Variants in SDK1 observed in about 807,000 individuals in gnomAD.
The protein encoded by SDK1 is protein sidekick-1.
SDK1 carries 157 observed loss-of-function variants against 245.5 expected under a neutral mutation model. That is an observed-to-expected ratio of 0.64 (90% CI 0.56 to 0.73). The LOEUF (loss-of-function observed/expected upper bound fraction) is 0.73. Among genes scored for constraint, SDK1 ranks in the 30% least tolerant of loss-of-function variants. SDK1 has a pLI of 0.00. For synonymous variants in SDK1, 1,647 were observed against 1,278.5 expected (o/e 1.29, Z -6.15); for missense variants, 3,583 against 3,002.3 (o/e 1.19, Z -4.52).
chr7:3,911,162 A>T (rs561425072), intron 5 of SDK1, among the ~76,000 whole-genome samples: 106 of 152,190 alleles, frequency 7.0e-4, no homozygotes, highest in African/African-American at 2.4e-3. Flanking sequence ...TTACAGATAA[A>T]CCTGAAGGCA....
intron 23 of SDK1, among the ~76,000 whole-genome samples, chr7:4,111,826 A>G (rs951040294): frequency 2.0e-5 from 3 of 152,220 alleles, no homozygotes; most frequent in African/African-American, 7.2e-5. Flanking sequence ...TAGTATGTAA[A>G]TTGAATTCAA....
At chr7:4,251,756 T>G in intron 44 of SDK1, among the ~76,000 whole-genome samples, 1 of 152,238 alleles carries the variant, frequency 6.6e-6, no homozygotes, top group East Asian at 1.9e-4. Context: ...CCAAGGGTAA[T>G]CTTTGAAAGC....
At chr7:3,585,609 G>A (rs1324133013) in intron 1 of SDK1, among the ~76,000 whole-genome samples, 1 of 152,128 alleles carries the variant, frequency 6.6e-6, no homozygotes, top group Non-Finnish European at 1.5e-5. Context: ...TCAGGGTCCT[G>A]GATTCCTGAG....
chr7:3,433,164 C>T (rs1468597963), intron 1 of SDK1, among the ~76,000 whole-genome samples: 1 of 152,090 alleles, frequency 6.6e-6, no homozygotes, highest in African/African-American at 2.4e-5. Context: ...TTAGCAAGTC[C>T]AAGTGAAACC....
chr7:3,492,001 G>A (rs779787056), intron 1 of SDK1, among the ~76,000 whole-genome samples: 7 of 152,092 alleles, frequency 4.6e-5, no homozygotes, highest in East Asian at 1.9e-4. Context: ...AACACATTAC[G>A]TTTTCTTCCA....
chr7:4,155,491 A>G (rs926950026), intron 30 of SDK1, among the ~76,000 whole-genome samples: 4 of 152,236 alleles, frequency 2.6e-5, no homozygotes, highest in African/African-American at 9.7e-5. Context: ...AGGAGCTTGC[A>G]GTGTGGCTCC....
intron 28 of SDK1, among the ~76,000 whole-genome samples, chr7:4,140,995 A>C (rs946936878): frequency 2.0e-5 from 3 of 152,206 alleles, no homozygotes; most frequent in African/African-American, 7.2e-5. Context: ...AGTCAGGCAG[A>C]GATTAGAATT....
At chr7:3,302,810 T>C (rs1359216093) in intron 1 of SDK1, among the ~76,000 whole-genome samples, 3 of 152,340 alleles carry the variant, frequency 2.0e-5, no homozygotes, top group Middle Eastern at 3.4e-3. Context: ...ATTAACTTAG[T>C]TGTATTCCAA....
intron 4 of SDK1, among the ~76,000 whole-genome samples, chr7:3,816,508 C>A (rs1488383911): frequency 6.6e-6 from 1 of 151,204 alleles, no homozygotes; most frequent in Non-Finnish European, 1.5e-5. Flanking sequence ...GAAATGGATA[C>A]ATTCCTTGAC....
In SDK1 at chr7:3,580,991, A is replaced by AAAACC. The variant is rs1242273854; in HGVS notation, c.299-38085_299-38081dup. Reference sequence around the variant, plus strand: ...CTCAAAAAAAAAAAAAAAAAAAAAAAAAACCAAAACAAAACCCTGGAAGAC... The same window carrying AAAACC: ...CTCAAAAAAAAAAAAAAAAAAAAAAAAAACCAAACCAAAACAAAACCCTGGAAGAC... On this transcript the variant is annotated intron_variant, in intron 1 of 44. Coordinates refer to ENST00000404826, the MANE Select transcript of SDK1 (RefSeq NM_152744.4). Among the ~76,000 whole-genome samples, 10 of 137,322 alleles carry AAAACC rather than the reference A, an allele frequency of 7.3e-5. No individual in the cohort carries two copies. In the East Asian group the frequency reaches 2.3e-3, roughly 32 times the overall value. The allele number at this position is 137,322 out of a possible 152,430, so 90.1% of individuals were successfully genotyped here.
chr7:3,537,213 A>G (rs966855971), intron 1 of SDK1, among the ~76,000 whole-genome samples: 2 of 152,226 alleles, frequency 1.3e-5, no homozygotes, highest in Non-Finnish European at 2.9e-5. Context: ...CATTGAATAA[A>G]TGGAACTATG....
At chr7:3,331,281 A>C (rs781512577) in intron 1 of SDK1, among the ~76,000 whole-genome samples, 2 of 152,116 alleles carry the variant, frequency 1.3e-5, no homozygotes, top group Non-Finnish European at 2.9e-5. Flanking sequence ...AAAACAAAAA[A>C]CAAAACACCC....
chr7:3,438,207 G>T (rs537096494), intron 1 of SDK1, among the ~76,000 whole-genome samples: 1 of 152,224 alleles, frequency 6.6e-6, no homozygotes, highest in South Asian at 2.1e-4. Context: ...ATACTAAACT[G>T]AACGTTTGCT....
At chr7:3,667,255 A>G (rs1583288284) in intron 4 of SDK1, among the ~76,000 whole-genome samples, 4 of 152,354 alleles carry the variant, frequency 2.6e-5, no homozygotes, top group Admixed American at 2.6e-4. Context: ...ATTATTATAA[A>G]AAACACACAT....
chr7:3,538,754 C>G (rs576775546), intron 1 of SDK1, among the ~76,000 whole-genome samples: 1 of 152,188 alleles, frequency 6.6e-6, no homozygotes, highest in Non-Finnish European at 1.5e-5. Flanking sequence ...CTTCATGAAC[C>G]TGGAGTGGGG....
intron 14 of SDK1, among the ~76,000 whole-genome samples, chr7:3,993,855 A>G (rs1239777164): frequency 6.6e-6 from 1 of 152,194 alleles, no homozygotes; most frequent in East Asian, 1.9e-4. Context: ...TCCTGAGGCC[A>G]TATTGTCGTT....
chr7:3,506,840 TTTTTTAAATAAACACACA>T (rs1249935397), intron 1 of SDK1, among the ~76,000 whole-genome samples: 2 of 152,212 alleles, frequency 1.3e-5, no homozygotes, highest in African/African-American at 4.8e-5. Context: ...TCTTGTTTTT[TTTTTTAAATAAACACACA>T]CATTTATTCA....
At chr7:3,947,692 A>C (rs1277351478) in intron 5 of SDK1, among the ~76,000 whole-genome samples, 5 of 151,332 alleles carry the variant, frequency 3.3e-5, no homozygotes, top group Admixed American at 2.6e-4. Flanking sequence ...AAATATACAC[A>C]TATATATTTA....
intron 1 of SDK1, among the ~76,000 whole-genome samples, chr7:3,413,256 T>C (rs933832758): frequency 1.3e-5 from 2 of 152,022 alleles, no homozygotes; most frequent in Non-Finnish European, 1.5e-5. Flanking sequence ...TAGGGTAGAA[T>C]AGCAAAGGGA....
Sources: allele counts gnomAD v4.1 joint callset (sites outside exome capture counted in the v4.1 genomes callset), GRCh38; gene constraint gnomAD v4.1.1; transcripts MANE v1.5; gene names NCBI Gene and HGNC (gene_info 2026-07-23, HGNC 2026-07-21).